AGFG1: variants seen among roughly 807,000 people sequenced by gnomAD.
AGFG1 encodes ArfGAP with FG repeats 1.
A neutral mutation model predicts 60.6 loss-of-function variants in AGFG1; 10 were observed. That is an observed-to-expected ratio of 0.16 (90% CI 0.10 to 0.28). The LOEUF (loss-of-function observed/expected upper bound fraction) is 0.28, where lower values mean the gene tolerates loss of function less well. AGFG1 is among the 10% of genes least tolerant of loss of function. The pLI, the probability that AGFG1 is intolerant of heterozygous loss-of-function variation, is 1.00. For synonymous variants in AGFG1, 247 were observed against 242.9 expected, an observed-to-expected ratio of 1.02 and a Z score of -0.16; for missense variants, 537 against 676.5, an observed-to-expected ratio of 0.79 and a Z score of 2.29.
At chr2:227,496,429 G>A (rs1690976608) in intron 2 of AGFG1, among the ~76,000 whole-genome samples, 1 of 132,802 alleles carries the variant, frequency 7.5e-6, no homozygotes, top group Non-Finnish European at 1.6e-5. Flanking sequence ...GCGATAGAGC[G>A]AGACTCCGTC....
chr2:227,492,303 A>C (rs1250608370), intron 2 of AGFG1, among the ~76,000 whole-genome samples: 2 of 152,020 alleles, frequency 1.3e-5, no homozygotes, highest in Admixed American at 1.3e-4. Flanking sequence ...AAAATTAACA[A>C]AGAGAGTGGG....
In AGFG1 at chr2:227,524,334, CAT is replaced by C. The variant is rs376546063; in HGVS notation, c.540+410_540+411del. 3.6e-3 allele frequency among the ~76,000 whole-genome samples: 541 copies of C among 152,206 alleles called. 3 individuals are homozygous for C. Among genetic ancestry groups the C allele is most frequent in the African/African-American group, 0.012 (491 of 41,520 alleles). On this transcript the variant is annotated intron_variant, in intron 4 of 12. Coordinates refer to ENST00000310078, the MANE Select transcript of AGFG1 (RefSeq NM_004504.5). ...TTTCTTTAGTAGTAGAGTTTTCCCA[CAT>C]GTGTGATTGTGAAGCATGTTGATCA...
At chr2:227,491,472 T>C in intron 1 of AGFG1, 75 bp from the exon 2 acceptor site, 1 of 759,368 alleles carries the variant, frequency 1.3e-6, no homozygotes, top group Non-Finnish European at 2.0e-6. Context: ...GTTAGAAATA[T>C]TTTGAATTAC....
intron 10 of AGFG1, among the ~76,000 whole-genome samples, chr2:227,547,988 G>A (rs1465987436): frequency 6.6e-6 from 1 of 152,228 alleles, no homozygotes; most frequent in Non-Finnish European, 1.5e-5. Context: ...GTCATACAAT[G>A]ACAAATTACT....
chr2:227,540,566 G>A (rs1201740267), intron 10 of AGFG1, among the ~76,000 whole-genome samples: 1 of 152,140 alleles, frequency 6.6e-6, no homozygotes, highest in East Asian at 1.9e-4. Flanking sequence ...TGGTGTATAT[G>A]TACCACATTT....
At position 227,534,848 on chromosome 2, in the gene AGFG1, G is replaced by A; in HGVS notation, c.1028G>A (p.Gly343Asp). Reference sequence around the variant, plus strand: ...ACTTGATTTTGTTCGTTCCCAGGTGGTGATCAGGGAAGTGGCTTTGGGACC... The same window carrying A: ...ACTTGATTTTGTTCGTTCCCAGGTGATGATCAGGGAAGTGGCTTTGGGACC... The part of the protein sequence containing the change: ...LDNIFSAGQG[G>D]DQGSGFGTTG... Residue 343 changes from glycine (G) to aspartate (D), a missense_variant, in exon 8 of 13, where the codon GGT becomes GAT. By Grantham distance (94) the Gly-to-Asp change is moderately conservative. Around this residue, in one of 4 missense-constraint regions of AGFG1, gnomAD observed 287 missense variants for 343.6 expected, o/e 0.84. Transcript: ENST00000310078. 1 of 1,612,116 alleles carries A rather than the reference G, an allele frequency of 6.2e-7. No homozygotes were observed. Among genetic ancestry groups the A allele is most frequent in the Non-Finnish European group, 8.5e-7 (1 of 1,179,046 alleles).
intron 5 of AGFG1, among the ~76,000 whole-genome samples, chr2:227,528,251 A>C (rs1328714629): frequency 2.0e-5 from 3 of 152,122 alleles, no homozygotes; most frequent in Non-Finnish European, 4.4e-5. Flanking sequence ...ATTTGCTTTA[A>C]AAAGGAGTCC....
chr2:227,482,024 C>T (rs1218122931), intron 1 of AGFG1, among the ~76,000 whole-genome samples: 3 of 151,908 alleles, frequency 2.0e-5, no homozygotes, highest in Admixed American at 6.6e-5. Flanking sequence ...CGCCACCTTG[C>T]CCCGCTAATT....
At chr2:227,525,204 A>G (rs1691955234) in intron 5 of AGFG1, among the ~76,000 whole-genome samples, 1 of 152,146 alleles carries the variant, frequency 6.6e-6, no homozygotes. Context: ...AAGTAATTGG[A>G]TACTCTAACG....
chr2:227,510,249 T>TAC (rs753132671), intron 2 of AGFG1, among the ~76,000 whole-genome samples: 14 of 151,522 alleles, frequency 9.2e-5, no homozygotes, highest in Admixed American at 2.6e-4. Context: ...GCACCACACA[T>TAC]ACACACACAC....
chr2:227,553,943 A>AT, intron 12 of AGFG1, 148 bp downstream of exon 12: 1 of 588,954 alleles, frequency 1.7e-6, no homozygotes, highest in Non-Finnish European at 2.9e-6. Flanking sequence ...ACACAGAGCC[A>AT]TTATGTGTGA....
chr2:227,521,151 C>T (rs1033266142), intron 3 of AGFG1, among the ~76,000 whole-genome samples: 3 of 152,072 alleles, frequency 2.0e-5, no homozygotes, highest in African/African-American at 7.2e-5. Flanking sequence ...CTGCAACCCC[C>T]GCCTCCTGGG....
At chr2:227,525,370 T>C (rs4349340) in intron 5 of AGFG1, among the ~76,000 whole-genome samples, 98,875 of 152,034 alleles carry the variant, frequency 0.65, 32,131 homozygotes, top group South Asian at 0.75. Flanking sequence ...AATATAACCA[T>C]ATTAGTAGCA....
intron 1 of AGFG1, among the ~76,000 whole-genome samples, chr2:227,481,062 A>AGTATTTT (rs1209549275): frequency 7.2e-6 from 1 of 138,236 alleles, no homozygotes; most frequent in Admixed American, 7.1e-5. Flanking sequence ...CTCATATTGA[A>AGTATTTT]GTATTTTGGT....
intron 3 of AGFG1, among the ~76,000 whole-genome samples, chr2:227,523,068 T>C (rs939166288): frequency 6.6e-5 from 10 of 152,224 alleles, no homozygotes; most frequent in African/African-American, 2.2e-4. Flanking sequence ...TACATGCATC[T>C]GTATACACTT....
intron 10 of AGFG1, among the ~76,000 whole-genome samples, chr2:227,540,563 T>G (rs1692460717): frequency 6.6e-6 from 1 of 152,226 alleles, no homozygotes; most frequent in Non-Finnish European, 1.5e-5. Context: ...CCATGGTGTA[T>G]ATGTACCACA....
chr2:227,516,525 G>A (rs1252363608), intron 2 of AGFG1, among the ~76,000 whole-genome samples: 1 of 152,192 alleles, frequency 6.6e-6, no homozygotes, highest in East Asian at 1.9e-4. Context: ...GAGGACTCAA[G>A]CAGCTATTTT....
chr2:227,557,027 T>C lies in AGFG1; in HGVS notation c.*2532T>C. 1 of 149,582 alleles carries C rather than the reference T, an allele frequency of 6.7e-6. No individual in the cohort carries two copies. The highest frequency in any genetic ancestry group is 2.0e-4 in the East Asian group (1 of 5,020). 9.3% of individuals were successfully genotyped at this position (149,582 alleles called of 1,614,324 possible). On this transcript the variant is annotated 3_prime_UTR_variant, in exon 13 of 13. Coordinates refer to ENST00000310078, the MANE Select transcript of AGFG1 (RefSeq NM_004504.5). ...AAAGAAAATCAGCTTTCGTTAGACT[T>C]TTACATTTAGATTTATTCTAGTTTT...
At chr2:227,553,449 T>C (rs983444601) in intron 11 of AGFG1, among the ~76,000 whole-genome samples, 3 of 147,614 alleles carry the variant, frequency 2.0e-5, no homozygotes, top group African/African-American at 7.5e-5. Flanking sequence ...TGAGCCATGA[T>C]CATGCTACTG....
Sources: allele counts gnomAD v4.1 joint callset (sites outside exome capture counted in the v4.1 genomes callset), GRCh38; gene constraint gnomAD v4.1.1; regional missense constraint gnomAD v4.1.1; transcripts MANE v1.5; gene names NCBI Gene and HGNC (gene_info 2026-07-23, HGNC 2026-07-21).